Variants in HHLA1 observed in about 807,000 individuals in gnomAD.
HHLA1 encodes the protein HHLA1 neighbor of OC90.
A neutral mutation model predicts 69.9 loss-of-function variants in HHLA1; 72 were observed. The ratio of observed to expected loss-of-function variants is 1.03; its 90% CI spans 0.85 to 1.25. HHLA1 has a LOEUF of 1.25. Ranked by LOEUF, HHLA1 falls within the 50% of genes most tolerant of loss-of-function variation. HHLA1 has a pLI of 0.00. For synonymous variants in HHLA1, 252 were observed against 233.2 expected (o/e 1.08, Z -0.73); for missense variants, 685 against 642.2 (o/e 1.07, Z -0.72).
chr8:132,068,778 T>C (rs1191288064), intron 15 of HHLA1, among the ~76,000 whole-genome samples: 1 of 152,126 alleles, frequency 6.6e-6, no homozygotes, highest in African/African-American at 2.4e-5. Context: ...GGTAGCAAAA[T>C]TTGTAAGTCA....
At chr8:132,106,328 C>T (rs1237992827) in intron 1 of HHLA1, among the ~76,000 whole-genome samples, 1 of 152,128 alleles carries the variant, frequency 6.6e-6, no homozygotes, top group East Asian at 1.9e-4. Flanking sequence ...TGGGAAGGCC[C>T]TGTGGAATTT....
chr8:132,073,932 C>A (rs539715343), intron 14 of HHLA1, among the ~76,000 whole-genome samples: 48 of 152,174 alleles, frequency 3.2e-4, no homozygotes, highest in African/African-American at 1.1e-3. Flanking sequence ...AGTCACCTCG[C>A]AAGTTTCCCT....
Position 132,084,783 on chromosome 8 carries a change from T to C in HHLA1, c.676+2870A>G, listed in dbSNP as rs185900708. ...AGAGAAGGGGTGGGGGTGGTGGTTC[T>C]TGCCCTCCAGAAAAGTAGAGAAGGG... On this transcript the variant is annotated intron_variant, in intron 10 of 16. Transcript: ENST00000414222. Among the ~76,000 whole-genome samples the C allele has an allele frequency of 5.8e-3, 878 of 151,492 alleles. 8 individuals are homozygous for C. Among genetic ancestry groups the C allele is most frequent in the African/African-American group, 0.021 (846 of 41,164 alleles).
Position 132,076,041 on chromosome 8 carries a change from G to A in HHLA1, c.1315+14C>T. The A allele has an allele frequency of 6.5e-7, 1 of 1,534,254 alleles. No individual in the cohort carries two copies. Among genetic ancestry groups the A allele is most frequent in the Non-Finnish European group, 8.8e-7 (1 of 1,131,310 alleles). On this transcript the variant is annotated intron_variant, in intron 14 of 16. Transcript: ENST00000414222. Reference sequence around the variant, plus strand: ...AAACACAAGCAATAGTAATGACTGGGCACTGGTACTTACTTGAAACTTGAT... The same window carrying A: ...AAACACAAGCAATAGTAATGACTGGACACTGGTACTTACTTGAAACTTGAT...
chr8:132,076,053 A>T lies in HHLA1; in HGVS notation c.1315+2T>A. The stretch of plus-strand genomic sequence containing the variant: ...TAGTAATGACTGGGCACTGGTACTT[A>T]CTTGAAACTTGATGGGGTCTTGGGA... On this transcript the variant is annotated splice_donor_variant, in intron 14 of 16. Transcript: ENST00000414222. LOFTEE classifies it high-confidence loss of function. 6.5e-7 allele frequency: 1 copy of T among 1,548,650 alleles called. No homozygotes were observed. The highest frequency in any genetic ancestry group is 8.7e-7 in the Non-Finnish European group (1 of 1,144,358).
chr8:132,095,562 T>C lies in HHLA1; in HGVS notation c.405A>G (p.Thr135=), dbSNP rs748658211. The change falls in exon 7 of 17, where the codon ACA becomes ACG. Residue 135 remains threonine, a synonymous_variant. Transcript: ENST00000414222. ...LKTVDPAKFP[T]RYCYCLNNRT... is the part of the protein sequence containing the mutation. ...GATTGTTTAAACAGTAGCAATACCT[T>C]GTGGGGAATTTGGCGGGGTCTACTG... 40 of 1,550,558 alleles carry C rather than the reference T, an allele frequency of 2.6e-5. No individual in the cohort carries two copies. In the South Asian group the frequency reaches 4.0e-4, roughly 16 times the overall value.
At chr8:132,100,240 G>T (rs1824091378) in intron 3 of HHLA1, 106 bp from the exon 4 acceptor site, 2 of 788,568 alleles carry the variant, frequency 2.5e-6, no homozygotes, top group Non-Finnish European at 4.3e-6. Context: ...CTCCGTGTGA[G>T]AGTCACTGGC....
intron 7 of HHLA1, among the ~76,000 whole-genome samples, chr8:132,089,978 C>T (rs964101480): frequency 3.3e-5 from 5 of 152,086 alleles, no homozygotes; most frequent in Non-Finnish European, 4.4e-5. Context: ...AGCAGCCCCA[C>T]AGATATGTAA....
chr8:132,086,118 C>A (rs1381413390), intron 10 of HHLA1, among the ~76,000 whole-genome samples: 1 of 152,154 alleles, frequency 6.6e-6, no homozygotes, highest in Non-Finnish European at 1.5e-5. Context: ...ATCTACCCAG[C>A]ATCCTTGGTT....
chr8:132,089,106 T>TTC (rs1823905271), intron 8 of HHLA1, among the ~76,000 whole-genome samples: 1 of 152,214 alleles, frequency 6.6e-6, no homozygotes, highest in Admixed American at 6.5e-5. Flanking sequence ...TGTATCATTC[T>TTC]TAACTGTACT....
chr8:132,087,572 G>T, intron 10 of HHLA1, 81 bp downstream of exon 10: 1 of 815,478 alleles, frequency 1.2e-6, no homozygotes, highest in African/African-American at 1.7e-5. Context: ...AACACCTGAG[G>T]GCAGCTTTCA....
rs1823372827 is a variant in HHLA1 at position 132,062,688 on chromosome 8, C to A, written c.*1307G>T. ...ATAGGGATACTGGAGCAACCGCAAA[C>A]CTGAATATAGTGAAAAAGGAATCTG... On this transcript the variant is annotated 3_prime_UTR_variant, in exon 17 of 17. Coordinates refer to ENST00000414222, the MANE Select transcript of HHLA1 (RefSeq NM_001145095.3). 6.6e-6 allele frequency: 1 copy of A among 152,166 alleles called. No homozygotes were observed. The highest frequency in any genetic ancestry group is 2.1e-4 in the South Asian group (1 of 4,820). The allele number at this position is 152,166 out of a possible 1,614,324, so 9.4% of individuals were successfully genotyped here.
At position 132,076,551 on chromosome 8, in the gene HHLA1, G is replaced by A. The variant is rs766299678; in HGVS notation, c.1172-8C>T. ...TGCCATGGGTGAATGCTCCTGGGAG[G>A]AGATGAGAGAGAGGTGAGCCTGCAT... On this transcript the variant is annotated splice_polypyrimidine_tract_variant and splice_region_variant and intron_variant, in intron 12 of 16. Coordinates refer to ENST00000414222, the MANE Select transcript of HHLA1 (RefSeq NM_001145095.3). 6.6e-7 allele frequency: 1 copy of A among 1,509,580 alleles called. No individual in the cohort carries two copies. Among genetic ancestry groups the A allele is most frequent in the Non-Finnish European group, 8.9e-7 (1 of 1,128,410 alleles). The allele number at this position is 1,509,580 out of a possible 1,614,324, so 93.5% of individuals were successfully genotyped here. A position where few individuals can be genotyped will look rare whatever the true frequency, so the allele number is the denominator to read the frequency against.
rs888631840 is a variant in HHLA1, at chr8:132,070,015, GGGGGGGGGGA to G, written c.1469+1315_1469+1324del. The G allele has an allele frequency of 3.0e-4, 7 of 23,570 alleles. 1 individual carries two copies. The highest frequency in any genetic ancestry group is 1.1e-3 in the African/African-American group (5 of 4,368). The allele number at this position is 23,570 out of a possible 1,614,324, so 1.5% of individuals were successfully genotyped here. A position where few individuals can be genotyped will look rare whatever the true frequency, so the allele number is the denominator to read the frequency against. Reference sequence around the variant, plus strand: ...TGGAGGAAATGTTCGTACTGACGGGGGGGGGGGGGAGGGGGATGAAAGATTACAGCTGGAA... The same window carrying G: ...TGGAGGAAATGTTCGTACTGACGGGGGGGGGATGAAAGATTACAGCTGGAA... On this transcript the variant is annotated intron_variant, in intron 15 of 16. Transcript: ENST00000414222.
At chr8:132,093,256 G>A (rs144448376) in intron 7 of HHLA1, among the ~76,000 whole-genome samples, 120 of 152,240 alleles carry the variant, frequency 7.9e-4, no homozygotes, top group African/African-American at 2.8e-3. Context: ...GACTACCAGT[G>A]GATGGTGGGA....
At chr8:132,094,716 C>G (rs1387620420) in intron 7 of HHLA1, among the ~76,000 whole-genome samples, 1 of 152,180 alleles carries the variant, frequency 6.6e-6, no homozygotes, top group Non-Finnish European at 1.5e-5. Context: ...AGCCCACACA[C>G]CATGTACTTG....
intron 3 of HHLA1, among the ~76,000 whole-genome samples, chr8:132,101,704 G>A (rs9656993): frequency 0.6 from 90,460 of 151,278 alleles, 27,155 homozygotes; most frequent in Admixed American, 0.63. Context: ...CTCCTGAGTA[G>A]CTGGGATTAC....
At position 132,110,915 on chromosome 8, in the gene HHLA1, C is replaced by T. The variant is rs76700448; in HGVS notation, c.-22+187G>A. ...CGGCAAGAAATAGACTGTGATCAAG[C>T]GATCAAGGGATGGAGTCTTAGCTAA... On this transcript the variant is annotated intron_variant, in intron 1 of 16. Coordinates refer to ENST00000414222, the MANE Select transcript of HHLA1 (RefSeq NM_001145095.3). Among the ~76,000 whole-genome samples, 297 of 152,200 alleles carry T rather than the reference C, an allele frequency of 2.0e-3. 1 individual carries two copies. In the East Asian group the frequency reaches 0.029, roughly 15 times the overall value.
chr8:132,100,853 G>A (rs1824100392), intron 3 of HHLA1, among the ~76,000 whole-genome samples: 1 of 152,214 alleles, frequency 6.6e-6, no homozygotes. Flanking sequence ...ACATTAAGCA[G>A]AGACCAGAAG....
Sources: gnomAD v4.1 joint callset for allele counts (sites outside exome capture counted in the v4.1 genomes callset) on GRCh38, gnomAD v4.1.1 for gene constraint, MANE v1.5 for transcripts, NCBI Gene and HGNC (gene_info 2026-07-23, HGNC 2026-07-21) for gene names.